The following ZSWIM7 variants were observed in gnomAD, a reference collection of about 807,000 sequenced individuals.
The protein encoded by ZSWIM7 is zinc finger SWIM domain-containing protein 7.
Under a neutral mutation model 21.1 loss-of-function variants are expected in ZSWIM7, and 22 were observed. The observed-to-expected ratio is 1.04, with a 90% CI of 0.74 to 1.49. The LOEUF is 1.49. Among genes scored for constraint, ZSWIM7 ranks in the 40% most tolerant of loss-of-function variants. The probability of loss-of-function intolerance (pLI) is 0.00; values close to 1 mark genes in which losing one functional copy is unlikely to be tolerated. For synonymous variants in ZSWIM7, 67 were observed against 66.5 expected (o/e 1.01, Z -0.04); for missense variants, 193 against 168.0 (o/e 1.15, Z -0.82).
intron 3 of ZSWIM7, among the ~76,000 whole-genome samples, chr17:15,986,358 A>T (rs1970410527): frequency 6.6e-6 from 1 of 151,922 alleles, no homozygotes; most frequent in Non-Finnish European, 1.5e-5. Flanking sequence ...TATTTTAGTT[A>T]CAAAAATTTC....
chr17:15,978,084 G>C lies in ZSWIM7; in HGVS notation c.386C>G (p.Thr129Ser). Residue 129 changes from threonine (T) to serine (S), a missense_variant, in exon 5 of 5, where the codon ACT becomes AGT. By Grantham distance (58) the Thr-to-Ser change is moderately conservative. Transcript: ENST00000399277. ...TTTCTTCTCCATCAATAATATGTCAGTCAACTGCTTGTCAGAGACACTTAG... is the reference window on the plus strand; with the variant it reads ...TTTCTTCTCCATCAATAATATGTCACTCAACTGCTTGTCAGAGACACTTAG... The part of the protein sequence containing the change: ...QQLSVSDKQL[T>S]DILLMEKKQE... 6.2e-7 allele frequency: 1 copy of C among 1,614,030 alleles called. No individual in the cohort carries two copies. The highest frequency in any genetic ancestry group is 8.5e-7 in the Non-Finnish European group (1 of 1,179,944).
At chr17:15,978,891 C>T in intron 4 of ZSWIM7, among the ~76,000 whole-genome samples, 1 of 151,852 alleles carries the variant, frequency 6.6e-6, no homozygotes, top group Non-Finnish European at 1.5e-5. Flanking sequence ...CTGACAGCTC[C>T]CTAGGAAGAC....
chr17:15,999,353 T>C (rs1970630054), intron 1 of ZSWIM7, 166 bp downstream of exon 1: 8 of 951,550 alleles, frequency 8.4e-6, no homozygotes, highest in Non-Finnish European at 1.1e-5. Flanking sequence ...TTTCGCTTTT[T>C]TGTTGTTTTG....
At chr17:15,986,114 G>A (rs1401032995) in intron 3 of ZSWIM7, among the ~76,000 whole-genome samples, 1 of 152,032 alleles carries the variant, frequency 6.6e-6, no homozygotes, top group Non-Finnish European at 1.5e-5. Context: ...TGCGATCTCC[G>A]CTCACTGCAA....
chr17:15,979,756 C>T (rs1258495395), intron 4 of ZSWIM7, among the ~76,000 whole-genome samples: 1 of 141,880 alleles, frequency 7.0e-6, no homozygotes, highest in Admixed American at 6.8e-5. Flanking sequence ...GCAGAGGCGC[C>T]CCTCACCTCC....
At position 15,977,708 on chromosome 17, in the gene ZSWIM7, G is replaced by GAAA; in HGVS notation, c.*336_*338dup. On this transcript the variant is annotated 3_prime_UTR_variant, in exon 5 of 5. Transcript: ENST00000399277. ...GACAAAGTGAGACTCCATCTCAAAA[G>GAAA]AAAAAAAAAAAGACTAAATAATGTG... 11 of 153,682 alleles carry GAAA rather than the reference G, an allele frequency of 7.2e-5. No homozygotes were observed. The highest frequency in any genetic ancestry group is 1.9e-4 in the South Asian group (1 of 5,360). The allele number at this position is 153,682 out of a possible 1,614,324, so 9.5% of individuals were successfully genotyped here. A position where few individuals can be genotyped will look rare whatever the true frequency, so the allele number is the denominator to read the frequency against.
At chr17:15,982,239 G>A (rs1028362592) in intron 3 of ZSWIM7, among the ~76,000 whole-genome samples, 3 of 152,158 alleles carry the variant, frequency 2.0e-5, no homozygotes, top group African/African-American at 7.2e-5. Flanking sequence ...GAAATCCTTT[G>A]TTTAAGTCTC....
chr17:15,997,929 C>T lies in ZSWIM7; in HGVS notation c.76+1590G>A, dbSNP rs555809390. Among the ~76,000 whole-genome samples the T allele has an allele frequency of 8.5e-5, 13 of 152,188 alleles. No homozygotes were observed. The South Asian group carries it at 1.0e-3, about 12-fold the overall frequency. The stretch of plus-strand genomic sequence containing the variant: ...CAGCCTGGCCAATATGGTGAAACCC[C>T]GTCTCTTCTAAAAATACACAAATTA... On this transcript the variant is annotated intron_variant, in intron 1 of 4. Coordinates refer to ENST00000399277, the MANE Select transcript of ZSWIM7 (RefSeq NM_001042697.2).
chr17:15,981,468 T>C (rs1254755644), intron 3 of ZSWIM7, among the ~76,000 whole-genome samples: 1 of 142,546 alleles, frequency 7.0e-6, no homozygotes, highest in Non-Finnish European at 1.5e-5. Flanking sequence ...AAGAAGGAAG[T>C]GGGGGGGGGG....
rs1307326951 is a variant in ZSWIM7 at position 15,999,626 on chromosome 17, G to T, written c.-32C>A. 7.7e-6 allele frequency: 12 copies of T among 1,565,680 alleles called. No individual in the cohort carries two copies. The highest frequency in any genetic ancestry group is 4.8e-5 in the East Asian group (2 of 41,824). ...GCAGGACACGCCCTCCACGACCGGC[G>T]GACCGCCGCGACGCTCCAGCTGACT... On this transcript the variant is annotated 5_prime_UTR_variant, in exon 1 of 5. Transcript: ENST00000399277.
intron 2 of ZSWIM7, among the ~76,000 whole-genome samples, chr17:15,993,166 C>T (rs927649084): frequency 2.6e-5 from 4 of 151,920 alleles, no homozygotes; most frequent in South Asian, 4.2e-4. Flanking sequence ...GTGTGAGCCA[C>T]GGTGCCTGGC....
At chr17:15,979,930 G>A (rs1397601175) in intron 4 of ZSWIM7, among the ~76,000 whole-genome samples, 13 of 90,542 alleles carry the variant, frequency 1.4e-4, no homozygotes, top group Non-Finnish European at 1.9e-4. Flanking sequence ...CCTCCCTCCC[G>A]GACGGGGCGG....
At chr17:15,979,626 C>A (rs1970325145) in intron 4 of ZSWIM7, among the ~76,000 whole-genome samples, 1 of 143,254 alleles carries the variant, frequency 7.0e-6, no homozygotes, top group South Asian at 2.3e-4. Flanking sequence ...GGCTGACCCC[C>A]CCACCTCCCT....
At chr17:15,978,703 C>T (rs750577533) in intron 4 of ZSWIM7, among the ~76,000 whole-genome samples, 20 of 152,180 alleles carry the variant, frequency 1.3e-4, no homozygotes, top group Non-Finnish European at 2.4e-4. Context: ...TGGGAAATGG[C>T]TTAGATCCAT....
Position 15,986,235 on chromosome 17 carries a change from G to A in ZSWIM7, c.201+1031C>T, listed in dbSNP as rs1465214311. Among the ~76,000 whole-genome samples the A allele has an allele frequency of 4.6e-5, 7 of 152,092 alleles. No individual in the cohort carries two copies. In the East Asian group the frequency reaches 1.4e-3, roughly 29 times the overall value. On this transcript the variant is annotated intron_variant, in intron 3 of 4. Transcript: ENST00000399277. ...ATTTTTGTATTTTTAGTAGACACGG[G>A]GTTTCACCACGTTGGCCAGGCTGGT...
intron 2 of ZSWIM7, among the ~76,000 whole-genome samples, chr17:15,989,387 G>A (rs549094305): frequency 1.3e-5 from 2 of 151,378 alleles, no homozygotes; most frequent in East Asian, 1.9e-4. Flanking sequence ...GCACAATCTC[G>A]GCTCACTGCA....
intron 2 of ZSWIM7, among the ~76,000 whole-genome samples, chr17:15,991,517 T>C (rs1227704503): frequency 2.0e-5 from 3 of 152,358 alleles, no homozygotes; most frequent in Admixed American, 1.3e-4. Flanking sequence ...CTGTGGTCAC[T>C]AATTTTCTAG....
At chr17:15,991,475 C>T (rs11655456) in intron 2 of ZSWIM7, among the ~76,000 whole-genome samples, 95,526 of 152,018 alleles carry the variant, frequency 0.63, 31,227 homozygotes, top group African/African-American at 0.81. Flanking sequence ...TTATAAATGA[C>T]CCCTTTCCCC....
chr17:15,993,396 CT>C (rs1352744724), intron 2 of ZSWIM7, among the ~76,000 whole-genome samples: 2 of 148,896 alleles, frequency 1.3e-5, no homozygotes, highest in Non-Finnish European at 3.0e-5. Flanking sequence ...GAGACAGAGT[CT>C]CACTCTGTCC....
Sources: allele counts gnomAD v4.1 joint callset (sites outside exome capture counted in the v4.1 genomes callset), GRCh38; gene constraint gnomAD v4.1.1; transcripts MANE v1.5; gene names NCBI Gene and HGNC (gene_info 2026-07-23, HGNC 2026-07-21).